BCL2L11: variants seen among roughly 807,000 people sequenced by gnomAD.
The protein encoded by BCL2L11 is BCL2 like 11.
A neutral mutation model predicts 20.6 loss-of-function variants in BCL2L11; 15 were observed. That is an observed-to-expected ratio of 0.73 (90% CI 0.49 to 1.12). BCL2L11 has a LOEUF of 1.12. BCL2L11 is among the 50% of genes most tolerant of loss of function. The pLI is 0.00. For synonymous variants in BCL2L11, 108 were observed against 92.8 expected (o/e 1.16, Z -0.94); for missense variants, 292 against 260.9 (o/e 1.12, Z -0.82).
intron 2 of BCL2L11, chr2:111,128,846 C>T: frequency 7.0e-7 from 1 of 1,423,988 alleles, no homozygotes; most frequent in South Asian, 1.5e-5. Flanking sequence ...TTAATATTGA[C>T]TTTCTCTGTT....
chr2:111,154,087 A>C (rs975006982), intron 3 of BCL2L11, among the ~76,000 whole-genome samples: 1 of 152,232 alleles, frequency 6.6e-6, no homozygotes, highest in Non-Finnish European at 1.5e-5. Flanking sequence ...AGAATGACAC[A>C]AAGAACCACC....
chr2:111,147,000 G>A (rs925191483), intron 2 of BCL2L11, among the ~76,000 whole-genome samples: 1 of 152,164 alleles, frequency 6.6e-6, no homozygotes, highest in African/African-American at 2.4e-5. Context: ...AAAAAATAGT[G>A]ATAGGTGCTA....
intron 2 of BCL2L11, among the ~76,000 whole-genome samples, chr2:111,125,945 T>C (rs2072494050): frequency 6.6e-6 from 1 of 152,166 alleles, no homozygotes; most frequent in Non-Finnish European, 1.5e-5. Flanking sequence ...ACATCCTTGC[T>C]TACTAAATGA....
rs2075233698 is a variant in BCL2L11 at position 111,138,097 on chromosome 2, C to T, written c.395-11947C>T. Among the ~76,000 whole-genome samples, 3 of 151,254 alleles carry T rather than the reference C, an allele frequency of 2.0e-5. No homozygotes were observed. The South Asian group carries it at 6.2e-4, about 31-fold the overall frequency. ...GATCTCAGCTCACTGCACCCTCCAC[C>T]TCCCAGGTTCAAGTGATTGTCCTGC... On this transcript the variant is annotated intron_variant, in intron 2 of 3. Transcript: ENST00000393256.
chr2:111,151,698 A>G, intron 3 of BCL2L11: 1 of 793,774 alleles, frequency 1.3e-6, no homozygotes, highest in Admixed American at 2.1e-5. Context: ...TCAAGAAAAC[A>G]CACATCGGAT....
At chr2:111,150,333 C>A (rs1559071447) in intron 3 of BCL2L11, 186 bp downstream of exon 3, 1 of 1,251,340 alleles carries the variant, frequency 8.0e-7, no homozygotes, top group African/African-American at 1.5e-5. Context: ...AGTAATGGCA[C>A]TTAAATAAAA....
In BCL2L11 at chr2:111,166,692, A is replaced by G. The variant is rs759609070; in HGVS notation, c.*2461A>G. ...TCCTGTGACTTAACACAGAAACGCAATAAACACACACAAAATAGTTTCATG... is the reference window on the plus strand; with the variant it reads ...TCCTGTGACTTAACACAGAAACGCAGTAAACACACACAAAATAGTTTCATG... On this transcript the variant is annotated 3_prime_UTR_variant, in exon 4 of 4. Coordinates refer to ENST00000393256, the MANE Select transcript of BCL2L11 (RefSeq NM_138621.5). 1 of 152,700 alleles carries G rather than the reference A, an allele frequency of 6.5e-6. No individual in the cohort carries two copies. Among genetic ancestry groups the G allele is most frequent in the Non-Finnish European group, 1.5e-5 (1 of 68,048 alleles). The allele number at this position is 152,700 out of a possible 1,614,324, so 9.5% of individuals were successfully genotyped here.
In BCL2L11 at chr2:111,123,920, A is replaced by G; in HGVS notation, c.175A>G (p.Ser59Gly). ...TGAAGGGGACAGCTGCCCCCACGGCAGCCCTCAGGGCCCGCTGGCCCCACC... is the reference window on the plus strand; with the variant it reads ...TGAAGGGGACAGCTGCCCCCACGGCGGCCCTCAGGGCCCGCTGGCCCCACC... ...GGEGDSCPHGSPQGPLAPPAS... is the reference protein window; with the variant it reads ...GGEGDSCPHGGPQGPLAPPAS... The change falls in exon 2 of 4, where the codon AGC (serine) becomes GGC (glycine). Residue 59 changes from serine to glycine, a missense_variant. Physicochemically the swap from Ser to Gly is moderately conservative, Grantham distance 56. Coordinates refer to ENST00000393256, the MANE Select transcript of BCL2L11 (RefSeq NM_138621.5). The G allele has an allele frequency of 6.2e-7, 1 of 1,613,650 alleles. No individual in the cohort carries two copies. Among genetic ancestry groups the G allele is most frequent in the South Asian group, 1.1e-5 (1 of 91,054 alleles).
chr2:111,128,854 GTTTC>G, intron 2 of BCL2L11: 2 of 1,411,756 alleles, frequency 1.4e-6, no homozygotes, highest in Non-Finnish European at 1.9e-6. Context: ...GACTTTCTCT[GTTTC>G]TTTCTACCTT....
At position 111,123,712 on chromosome 2, in the gene BCL2L11, T is replaced by G. The variant is rs183670484; in HGVS notation, c.-13-21T>G. 5.0e-6 allele frequency: 7 copies of G among 1,398,560 alleles called. No individual in the cohort carries two copies. The African/African-American group carries it at 1.0e-4, about 20-fold the overall frequency. The allele number at this position is 1,398,560 out of a possible 1,614,324, so 86.6% of individuals were successfully genotyped here. A position where few individuals can be genotyped will look rare whatever the true frequency, so the allele number is the denominator to read the frequency against. ...TTTTTTTTTTTGCTTAAAATAATCTTAGTTTTTATTTTACTTGCAGAAAAA... is the reference window on the plus strand; with the variant it reads ...TTTTTTTTTTTGCTTAAAATAATCTGAGTTTTTATTTTACTTGCAGAAAAA... On this transcript the variant is annotated intron_variant, in intron 1 of 3. Coordinates refer to ENST00000393256, the MANE Select transcript of BCL2L11 (RefSeq NM_138621.5).
chr2:111,139,508 C>G (rs1361275658), intron 2 of BCL2L11, among the ~76,000 whole-genome samples: 2 of 152,200 alleles, frequency 1.3e-5, no homozygotes, highest in Non-Finnish European at 2.9e-5. Flanking sequence ...ATCAAGACTT[C>G]TACAACTGCG....
chr2:111,155,063 G>A (rs767382387), intron 3 of BCL2L11, among the ~76,000 whole-genome samples: 3 of 152,194 alleles, frequency 2.0e-5, no homozygotes, highest in Non-Finnish European at 4.4e-5. Context: ...GCTGTGCAGG[G>A]CACTCTTAAA....
chr2:111,135,202 G>C (rs1048374761), intron 2 of BCL2L11, among the ~76,000 whole-genome samples: 1 of 152,078 alleles, frequency 6.6e-6, no homozygotes, highest in African/African-American at 2.4e-5. Context: ...TCTCTCTTCA[G>C]ATTGAGTAAA....
intron 2 of BCL2L11, among the ~76,000 whole-genome samples, chr2:111,136,036 A>G (rs949072106): frequency 1.3e-5 from 2 of 152,124 alleles, no homozygotes; most frequent in African/African-American, 4.8e-5. Context: ...GGGCTGGAAG[A>G]TCAACTCCCC....
chr2:111,161,536 A>G, intron 3 of BCL2L11: 10 of 1,547,512 alleles, frequency 6.5e-6, no homozygotes, highest in Non-Finnish European at 8.7e-6. Flanking sequence ...ATGGCTGCTG[A>G]TGATCCGCTT....
intron 2 of BCL2L11, among the ~76,000 whole-genome samples, chr2:111,142,721 A>G (rs2076009599): frequency 6.6e-6 from 1 of 152,198 alleles, no homozygotes; most frequent in South Asian, 2.1e-4. Context: ...TTTAGGAGAA[A>G]AGATGTTAAT....
chr2:111,142,491 G>A (rs1297482111), intron 2 of BCL2L11: 5 of 896,374 alleles, frequency 5.6e-6, no homozygotes, highest in Non-Finnish European at 8.8e-6. Flanking sequence ...GCCCTACAGT[G>A]TGTTATCAAT....
Position 111,164,440 on chromosome 2 carries a change from G to A in BCL2L11, c.*209G>A. On this transcript the variant is annotated 3_prime_UTR_variant, in exon 4 of 4. Transcript: ENST00000393256. Reference sequence around the variant, plus strand: ...AGAATTTCTAATGGAAGTTTGTTGTGAATGTAAAGGAGGGAGCATTCTTTG... The same window carrying A: ...AGAATTTCTAATGGAAGTTTGTTGTAAATGTAAAGGAGGGAGCATTCTTTG... The A allele has an allele frequency of 2.1e-6, 1 of 479,980 alleles. No individual in the cohort carries two copies. Among genetic ancestry groups the A allele is most frequent in the South Asian group, 3.7e-5 (1 of 27,368 alleles). The allele number at this position is 479,980 out of a possible 1,614,324, so 29.7% of individuals were successfully genotyped here.
chr2:111,155,893 G>T (rs1316270004), intron 3 of BCL2L11, among the ~76,000 whole-genome samples: 1 of 152,218 alleles, frequency 6.6e-6, no homozygotes, highest in Non-Finnish European at 1.5e-5. Flanking sequence ...CCAAAATCTA[G>T]CCCTGAATGA....
Sources: gnomAD v4.1 joint callset for allele counts (sites outside exome capture counted in the v4.1 genomes callset) on GRCh38, gnomAD v4.1.1 for gene constraint, MANE v1.5 for transcripts, NCBI Gene and HGNC (gene_info 2026-07-23, HGNC 2026-07-21) for gene names.